Variants in SBF2 observed in about 807,000 individuals in gnomAD.
The protein encoded by SBF2 is SET binding factor 2.
SBF2 carries 112 observed loss-of-function variants against 225.2 expected under a neutral mutation model. The observed-to-expected ratio is 0.50, with a 90% CI of 0.43 to 0.58. The LOEUF is 0.58. Ranked by LOEUF, SBF2 falls within the 20% of genes least tolerant of loss-of-function variation. The pLI is 0.00. For synonymous variants in SBF2, 763 were observed against 773.3 expected (o/e 0.99, Z 0.22); for missense variants, 1,996 against 2,206.2 (o/e 0.90, Z 1.91).
intron 26 of SBF2, among the ~76,000 whole-genome samples, chr11:9,834,197 A>G (rs1447053674): frequency 6.6e-6 from 1 of 150,940 alleles, no homozygotes; most frequent in Non-Finnish European, 1.5e-5. Flanking sequence ...GGTTCAAGCA[A>G]TTCTCCTGCC....
intron 1 of SBF2, among the ~76,000 whole-genome samples, chr11:10,211,785 G>T (rs1957952329): frequency 6.6e-6 from 1 of 152,174 alleles, no homozygotes; most frequent in African/African-American, 2.4e-5. Context: ...GATGTTCTCG[G>T]TTAATTAGAT....
At chr11:9,781,223 G>A (rs887520439) in intron 39 of SBF2, among the ~76,000 whole-genome samples, 1 of 152,250 alleles carries the variant, frequency 6.6e-6, no homozygotes, top group African/African-American at 2.4e-5. Context: ...GGTGGTGACT[G>A]AAATAACTAA....
intron 2 of SBF2, among the ~76,000 whole-genome samples, chr11:10,131,014 TA>T (rs1954021329): frequency 6.6e-6 from 1 of 152,132 alleles, no homozygotes; most frequent in South Asian, 2.1e-4. Context: ...TGTGCAGAAA[TA>T]AATTTTAATT....
rs149458679 is a variant in SBF2 at position 10,208,074 on chromosome 11, T to C, written c.56-14087A>G. ...TGTTTTGAAAAGAATACTACATTGG[T>C]AATCAGGAGATCTGAGGCTTATCTT... On this transcript the variant is annotated intron_variant, in intron 1 of 39. Transcript: ENST00000256190. Among the ~76,000 whole-genome samples, 70 of 152,212 alleles carry C rather than the reference T, an allele frequency of 4.6e-4. 1 individual carries two copies. The highest frequency in any genetic ancestry group is 1.4e-3 in the African/African-American group (57 of 41,554).
rs958031244 is a variant in SBF2, at chr11:9,794,940, G to A, written c.4570+891C>T. ...ATTTCAATAGGATGCCCTGGAAAGC[G>A]GTATTTCCTGATTTCAGATTTAAAA... On this transcript the variant is annotated intron_variant, in intron 33 of 39. Coordinates refer to ENST00000256190, the MANE Select transcript of SBF2 (RefSeq NM_030962.4). Among the ~76,000 whole-genome samples, 7 of 151,964 alleles carry A rather than the reference G, an allele frequency of 4.6e-5. No homozygotes were observed. In the East Asian group the frequency reaches 9.6e-4, roughly 21 times the overall value.
intron 2 of SBF2, among the ~76,000 whole-genome samples, chr11:10,148,179 T>C (rs1350413224): frequency 6.6e-6 from 1 of 152,190 alleles, no homozygotes; most frequent in African/African-American, 2.4e-5. Flanking sequence ...AATGAAAGTC[T>C]AATATTCATT....
At chr11:9,871,786 C>A (rs1045592649) in intron 17 of SBF2, among the ~76,000 whole-genome samples, 1 of 151,924 alleles carries the variant, frequency 6.6e-6, no homozygotes, top group Non-Finnish European at 1.5e-5. Context: ...CCACCGTGCC[C>A]GGCCAGGATG....
At chr11:10,066,164 A>G (rs1222631907) in intron 2 of SBF2, among the ~76,000 whole-genome samples, 2 of 152,058 alleles carry the variant, frequency 1.3e-5, no homozygotes, top group Non-Finnish European at 2.9e-5. Flanking sequence ...AATAACAGCA[A>G]TTCTACCCAA....
At chr11:10,280,254 T>C (rs931432986) in intron 1 of SBF2, among the ~76,000 whole-genome samples, 6 of 152,182 alleles carry the variant, frequency 3.9e-5, no homozygotes, top group Non-Finnish European at 7.4e-5. Context: ...CCAAAGTACA[T>C]ACTCTTTAGA....
chr11:10,115,779 G>A (rs1953108627), intron 2 of SBF2, among the ~76,000 whole-genome samples: 1 of 152,124 alleles, frequency 6.6e-6, no homozygotes, highest in Non-Finnish European at 1.5e-5. Context: ...CAATCAGGAT[G>A]TATCTTTCAA....
chr11:10,226,398 T>G (rs1484335341), intron 1 of SBF2, among the ~76,000 whole-genome samples: 1 of 152,160 alleles, frequency 6.6e-6, no homozygotes, highest in Non-Finnish European at 1.5e-5. Context: ...GTAACATATG[T>G]ATACATGTGC....
At chr11:10,004,879 C>CCCCTGCTTTGAGCTGT (rs1223143461) in intron 6 of SBF2, among the ~76,000 whole-genome samples, 1 of 152,204 alleles carries the variant, frequency 6.6e-6, no homozygotes, top group African/African-American at 2.4e-5. Context: ...GAAGCCCCCT[C>CCCCTGCTTTGAGCTGT]CCCTGCTTTG....
intron 5 of SBF2, among the ~76,000 whole-genome samples, chr11:10,029,532 T>A (rs1429348544): frequency 6.6e-6 from 1 of 152,194 alleles, no homozygotes; most frequent in Non-Finnish European, 1.5e-5. Flanking sequence ...CTTCTAATTA[T>A]GCTATGTGAA....
At chr11:10,075,831 C>T (rs1951076816) in intron 2 of SBF2, among the ~76,000 whole-genome samples, 1 of 151,986 alleles carries the variant, frequency 6.6e-6, no homozygotes, top group African/African-American at 2.4e-5. Flanking sequence ...ATGAATGCAA[C>T]AGAGGACACC....
intron 2 of SBF2, among the ~76,000 whole-genome samples, chr11:10,158,266 T>C (rs1955567468): frequency 6.6e-6 from 1 of 151,982 alleles, no homozygotes. Context: ...AACTTCACTT[T>C]ATACCTCAAG....
intron 7 of SBF2, among the ~76,000 whole-genome samples, chr11:10,001,555 C>T (rs375842657): frequency 1.3e-5 from 2 of 150,996 alleles, no homozygotes; most frequent in Non-Finnish European, 2.9e-5. Flanking sequence ...GATGGAGTCT[C>T]ACGCTGTCGC....
At chr11:10,032,131 T>C (rs528659570) in intron 3 of SBF2, among the ~76,000 whole-genome samples, 15 of 152,328 alleles carry the variant, frequency 9.8e-5, no homozygotes, top group Non-Finnish European at 1.3e-4. Context: ...GCAAATCTTA[T>C]ACATATATAT....
chr11:9,880,084 T>TAAAAAAAAAA (rs58140393), intron 17 of SBF2, among the ~76,000 whole-genome samples: 1 of 52,006 alleles, frequency 1.9e-5, no homozygotes, highest in African/African-American at 7.6e-5. Context: ...CTCTGTCTCA[T>TAAAAAAAAAA]AAAAAAAAAA....
intron 3 of SBF2, among the ~76,000 whole-genome samples, chr11:10,038,657 A>G (rs1208762277): frequency 6.6e-6 from 1 of 151,808 alleles, no homozygotes; most frequent in East Asian, 1.9e-4. Context: ...TGATGGAGAA[A>G]CGTATCTTAT....
Sources: gnomAD v4.1 joint callset for allele counts (sites outside exome capture counted in the v4.1 genomes callset) on GRCh38, gnomAD v4.1.1 for gene constraint, MANE v1.5 for transcripts, NCBI Gene and HGNC (gene_info 2026-07-23, HGNC 2026-07-21) for gene names.